Variants in SLC37A3 observed in about 807,000 individuals in gnomAD.
SLC37A3 encodes solute carrier family 37 member 3.
In SLC37A3, 51 loss-of-function variants were observed where a neutral mutation model predicts 67.1. The observed-to-expected ratio is 0.76, with a 90% CI of 0.61 to 0.96. The LOEUF (loss-of-function observed/expected upper bound fraction) is 0.96. Among genes scored for constraint, SLC37A3 ranks in the 40% least tolerant of loss-of-function variants. The pLI is 0.00. For synonymous variants in SLC37A3, 214 were observed against 231.4 expected (o/e 0.92, Z 0.68); for missense variants, 508 against 603.0 (o/e 0.84, Z 1.65).
chr7:140,372,640 A>G (rs6966078), intron 3 of SLC37A3, among the ~76,000 whole-genome samples: 28,588 of 152,076 alleles, frequency 0.19, 4,048 homozygotes, highest in African/African-American at 0.39. Context: ...AGGAGGGCGG[A>G]TCACTTGAAG....
chr7:140,352,134 C>G lies in SLC37A3; in HGVS notation c.631G>C (p.Val211Leu). Residue 211 changes from valine (V) to leucine (L), a missense_variant, in exon 8 of 15, where the codon GTG (valine) becomes CTG (leucine). Coordinates refer to ENST00000326232, the MANE Select transcript of SLC37A3 (RefSeq NM_207113.3). ...CCAGCAAACTGCACAGACGCCGTCA[C>G]CAGAAAGGCATACTGGAGGAGAGGG... ...LQYGYEYAFLVTASVQFAGGI... is the reference protein window; with the variant it reads ...LQYGYEYAFLLTASVQFAGGI... 1 of 1,612,208 alleles carries G rather than the reference C, an allele frequency of 6.2e-7. No individual in the cohort carries two copies. Among genetic ancestry groups the G allele is most frequent in the Non-Finnish European group, 8.5e-7 (1 of 1,179,662 alleles).
At chr7:140,343,966 ACT>A (rs1796457496) in intron 12 of SLC37A3, 2 of 239,650 alleles carry the variant, frequency 8.3e-6, no homozygotes, top group East Asian at 3.3e-4. Flanking sequence ...GGAAAAAGCC[ACT>A]GCAATGGAGC....
At chr7:140,364,292 G>A in intron 5 of SLC37A3, 116 bp downstream of exon 5, 1 of 945,650 alleles carries the variant, frequency 1.1e-6, no homozygotes, top group Non-Finnish European at 1.5e-6. Flanking sequence ...AAAGGCAAAT[G>A]AGGGATTCGA....
At chr7:140,369,852 T>G (rs779920771) in intron 3 of SLC37A3, among the ~76,000 whole-genome samples, 170 bp from the exon 4 acceptor site, 1 of 152,232 alleles carries the variant, frequency 6.6e-6, no homozygotes, top group Non-Finnish European at 1.5e-5. Flanking sequence ...GGCTCACGCC[T>G]GTAATCCCAA....
chr7:140,363,225 G>A (rs1797439871), intron 5 of SLC37A3, among the ~76,000 whole-genome samples: 2 of 87,114 alleles, frequency 2.3e-5, no homozygotes, highest in South Asian at 1.0e-3. Context: ...GGGCCATGAT[G>A]ACAATGGCGG....
intron 10 of SLC37A3, among the ~76,000 whole-genome samples, chr7:140,347,024 G>A (rs1439709669): frequency 6.6e-6 from 1 of 151,984 alleles, no homozygotes; most frequent in Non-Finnish European, 1.5e-5. Flanking sequence ...ACTCTGGGAG[G>A]CCGAGGTGGG....
intron 3 of SLC37A3, among the ~76,000 whole-genome samples, chr7:140,371,371 G>T (rs1448734801): frequency 6.6e-6 from 1 of 151,756 alleles, no homozygotes; most frequent in East Asian, 1.9e-4. Flanking sequence ...ACGGGGTTTC[G>T]CCATGTTGGC....
intron 8 of SLC37A3, chr7:140,351,692 A>G: frequency 1.7e-6 from 1 of 574,596 alleles, no homozygotes; most frequent in Non-Finnish European, 3.1e-6. Flanking sequence ...TGTAATCTGT[A>G]TTTAACTACA....
chr7:140,335,405 G>A lies in SLC37A3; in HGVS notation c.*7C>T. ...TGACATTGTTCTTTCTGTCTCGCGG[G>A]CACCGGTCACTCCCTCAATATGTGA... On this transcript the variant is annotated 3_prime_UTR_variant, in exon 15 of 15. Transcript: ENST00000326232. 1 of 1,614,116 alleles carries A rather than the reference G, an allele frequency of 6.2e-7. No individual in the cohort carries two copies. The highest frequency in any genetic ancestry group is 8.5e-7 in the Non-Finnish European group (1 of 1,180,034).
intron 5 of SLC37A3, among the ~76,000 whole-genome samples, chr7:140,360,366 G>A (rs1013136181): frequency 6.6e-6 from 1 of 151,870 alleles, no homozygotes; most frequent in African/African-American, 2.4e-5. Context: ...AATAAATTAG[G>A]GTCTAACTAA....
intron 7 of SLC37A3, among the ~76,000 whole-genome samples, chr7:140,354,233 T>C (rs1276298256): frequency 1.3e-5 from 2 of 152,254 alleles, no homozygotes; most frequent in East Asian, 3.8e-4. Context: ...TCTATTCATC[T>C]GTGTGAATAA....
At chr7:140,372,900 C>T (rs1159134018) in intron 3 of SLC37A3, among the ~76,000 whole-genome samples, 1 of 151,724 alleles carries the variant, frequency 6.6e-6, no homozygotes, top group Non-Finnish European at 1.5e-5. Flanking sequence ...GACTGTCCTT[C>T]ATGAAGCAGT....
intron 4 of SLC37A3, among the ~76,000 whole-genome samples, chr7:140,365,132 C>A (rs1585316501): frequency 6.6e-6 from 1 of 152,332 alleles, no homozygotes; most frequent in South Asian, 2.1e-4. Flanking sequence ...GTTCTGCCTT[C>A]TGCTCTCCTC....
chr7:140,345,919 A>AGCG lies in SLC37A3; in HGVS notation c.1075_1076insCGC (p.Val359delinsAlaLeu). ...TGCCAGAAGCAGACTCAGGGCAAGA[A>AGCG]CCGGCGCTCTCTTCTGTAGTACATC... On this transcript the variant is annotated protein_altering_variant, in exon 11 of 15. Transcript: ENST00000326232. 1.9e-6 allele frequency: 3 copies of AGCG among 1,614,044 alleles called. No homozygotes were observed. Among genetic ancestry groups the AGCG allele is most frequent in the Non-Finnish European group, 2.5e-6 (3 of 1,180,014 alleles).
chr7:140,395,427 G>T (rs1313615592), intron 1 of SLC37A3, among the ~76,000 whole-genome samples: 1 of 148,040 alleles, frequency 6.8e-6, no homozygotes, highest in Non-Finnish European at 1.5e-5. Flanking sequence ...ATAAAAATAG[G>T]CTGGGTGCGG....
chr7:140,348,341 G>A (rs1017116129), intron 10 of SLC37A3: 4 of 240,698 alleles, frequency 1.7e-5, no homozygotes, highest in Non-Finnish European at 3.1e-5. Context: ...TGTGCTTCCC[G>A]AGACAAAAGA....
At chr7:140,365,919 CTTTTTTTTTTTTTTTTTTTTTTTT>C (rs71170981) in intron 4 of SLC37A3, among the ~76,000 whole-genome samples, 1 of 43,876 alleles carries the variant, frequency 2.3e-5, no homozygotes, top group African/African-American at 9.8e-5. Context: ...ACAATACATG[CTTTTTTTTTTTTTTTTTTTTTTTT>C]TTTTTTTTTT....
At chr7:140,395,279 G>A (rs543601067) in intron 1 of SLC37A3, among the ~76,000 whole-genome samples, 3 of 145,712 alleles carry the variant, frequency 2.1e-5, no homozygotes, top group South Asian at 2.2e-4. Flanking sequence ...GGGAGGCTGA[G>A]GCAGAGAACT....
intron 7 of SLC37A3, among the ~76,000 whole-genome samples, chr7:140,354,112 A>G (rs1326256521): frequency 6.6e-6 from 1 of 152,222 alleles, no homozygotes; most frequent in Non-Finnish European, 1.5e-5. Context: ...CAACAGGTTT[A>G]TCATGGTTGA....
Sources: gnomAD v4.1 joint callset for allele counts (sites outside exome capture counted in the v4.1 genomes callset) on GRCh38, gnomAD v4.1.1 for gene constraint, MANE v1.5 for transcripts, NCBI Gene and HGNC (gene_info 2026-07-23, HGNC 2026-07-21) for gene names.